The following AHI1 variants were observed in gnomAD, a reference collection of about 807,000 sequenced individuals.
AHI1 encodes the protein Abelson helper integration site 1.
In AHI1, 123 loss-of-function variants were observed where a neutral mutation model predicts 149.3. That is an observed-to-expected ratio of 0.82 (90% CI 0.71 to 0.96). AHI1 has a LOEUF of 0.96. Ranked by LOEUF, AHI1 falls within the 40% of genes least tolerant of loss-of-function variation. AHI1 has a pLI of 0.00. For synonymous variants in AHI1, 475 were observed against 459.8 expected (o/e 1.03, Z -0.42); for missense variants, 1,439 against 1,422.7 (o/e 1.01, Z -0.18).
At chr6:135,419,391 A>C (rs17064495) in intron 20 of AHI1, among the ~76,000 whole-genome samples, 2,357 of 152,208 alleles carry the variant, frequency 0.015, 23 homozygotes, top group Non-Finnish European at 0.026. Flanking sequence ...GAATAGCTAC[A>C]ATTTCCCGAC....
intron 8 of AHI1, among the ~76,000 whole-genome samples, chr6:135,462,754 A>G (rs527921610): frequency 2.0e-5 from 3 of 152,248 alleles, no homozygotes; most frequent in East Asian, 3.9e-4. Context: ...TACAAAAATT[A>G]GCCGGGTATG....
At chr6:135,308,282 CTT>C (rs2128361906) in intron 26 of AHI1, among the ~76,000 whole-genome samples, 1 of 152,260 alleles carries the variant, frequency 6.6e-6, no homozygotes, top group African/African-American at 2.4e-5. Flanking sequence ...GTTGCCCAGA[CTT>C]GAGTGCAGTA....
intron 27 of AHI1, among the ~76,000 whole-genome samples, chr6:135,296,527 C>A (rs776168443): frequency 1.3e-5 from 2 of 152,132 alleles, no homozygotes; most frequent in Non-Finnish European, 2.9e-5. Flanking sequence ...AGCCTAATTT[C>A]CTTACTTTTC....
intron 4 of AHI1, among the ~76,000 whole-genome samples, 169 bp from the exon 5 acceptor site, chr6:135,490,916 T>C (rs1795166691): frequency 6.6e-6 from 1 of 152,216 alleles, no homozygotes. Context: ...ATTTTGACTT[T>C]AGTGACACAA....
At chr6:135,300,965 AC>A (rs1640216981) in intron 26 of AHI1, 1 of 985,966 alleles carries the variant, frequency 1.0e-6, no homozygotes, top group Admixed American at 6.1e-5. Context: ...ATAGTAATAC[AC>A]ATTGATCTGT....
intron 23 of AHI1, among the ~76,000 whole-genome samples, chr6:135,374,106 ATATTTTTTTT>A (rs1337655487): frequency 3.4e-3 from 99 of 29,432 alleles, no homozygotes; most frequent in Middle Eastern, 0.025. Context: ...ATATATATAT[ATATTTTTTTT>A]TTTTTTTTTT....
intron 23 of AHI1, among the ~76,000 whole-genome samples, chr6:135,380,571 A>G (rs1253790539): frequency 6.6e-6 from 1 of 152,182 alleles, no homozygotes; most frequent in Non-Finnish European, 1.5e-5. Flanking sequence ...CTACACAAAG[A>G]TGTGGAGTTT....
At chr6:135,476,421 G>A (rs930586687) in intron 5 of AHI1, among the ~76,000 whole-genome samples, 1 of 151,650 alleles carries the variant, frequency 6.6e-6, no homozygotes, top group Admixed American at 6.6e-5. Flanking sequence ...GTCTGTCTCG[G>A]TGAATATTCC....
intron 25 of AHI1, among the ~76,000 whole-genome samples, chr6:135,321,330 C>T (rs1275345015): frequency 6.6e-6 from 1 of 152,110 alleles, no homozygotes; most frequent in Admixed American, 6.6e-5. Context: ...GTAACTAAAA[C>T]AGCTACACAG....
chr6:135,396,370 T>A (rs1779211138), intron 22 of AHI1, among the ~76,000 whole-genome samples: 1 of 151,710 alleles, frequency 6.6e-6, no homozygotes, highest in South Asian at 2.1e-4. Context: ...AAAAATAATA[T>A]CTATACTTCA....
At chr6:135,337,455 T>C (rs111745035) in intron 24 of AHI1, among the ~76,000 whole-genome samples, 1 of 152,138 alleles carries the variant, frequency 6.6e-6, no homozygotes, top group African/African-American at 2.4e-5. Flanking sequence ...AGAAGAAAGT[T>C]ACTGTGGAAA....
At chr6:135,424,771 T>TA (rs1051164046) in intron 20 of AHI1, among the ~76,000 whole-genome samples, 2 of 151,156 alleles carry the variant, frequency 1.3e-5, no homozygotes, top group African/African-American at 4.8e-5. Flanking sequence ...GTTTAGCTTA[T>TA]AAAAAAAAAT....
chr6:135,404,856 T>TA, intron 22 of AHI1, 95 bp downstream of exon 22: 4 of 1,124,812 alleles, frequency 3.6e-6, no homozygotes, highest in Non-Finnish European at 5.4e-6. Context: ...GATTAACTCT[T>TA]ATAAAGGTTC....
chr6:135,482,893 G>GTTTTTTTTTTTTTTTTTTTTTTT (rs1491384083), intron 5 of AHI1, among the ~76,000 whole-genome samples: 5 of 5,788 alleles, frequency 8.6e-4, no homozygotes, highest in African/African-American at 2.8e-3. Flanking sequence ...TCCATTTAAG[G>GTTTTTTTTTTTTTTTTTTTTTTT]CTTTTTTTTT....
At chr6:135,394,449 G>A (rs867601651) in intron 23 of AHI1, among the ~76,000 whole-genome samples, 62 of 152,080 alleles carry the variant, frequency 4.1e-4, no homozygotes, top group African/African-American at 1.2e-3. Context: ...TATAACATGG[G>A]ATTATCCATC....
At chr6:135,372,622 GT>G (rs1483948199) in intron 23 of AHI1, among the ~76,000 whole-genome samples, 2 of 152,220 alleles carry the variant, frequency 1.3e-5, no homozygotes, top group Admixed American at 6.5e-5. Flanking sequence ...CAAGGCTTCA[GT>G]GAGCTATGGT....
rs1788431354 is a variant in AHI1 at position 135,453,362 on chromosome 6, T to C, written c.1419A>G (p.Lys473=). ...EVQNQECGFR[K]IAWAFLKLLG... is the part of the protein sequence containing the mutation. ...ATACCTTAAGAAATGCCCAGGCAAT[T>C]TTCCGAAAGCCACATTCTTGGTTTT... Residue 473 remains lysine, a synonymous_variant, in exon 11 of 29, where the codon AAA becomes AAG. Coordinates refer to ENST00000265602, the MANE Select transcript of AHI1 (RefSeq NM_001134831.2). The C allele has an allele frequency of 1.3e-6, 2 of 1,561,582 alleles. No individual in the cohort carries two copies. The highest frequency in any genetic ancestry group is 3.8e-5 in the Admixed American group (2 of 52,684).
chr6:135,427,105 T>A (rs1030988555), intron 20 of AHI1, 62 bp downstream of exon 20: 2 of 1,493,048 alleles, frequency 1.3e-6, no homozygotes, highest in Non-Finnish European at 1.8e-6. Flanking sequence ...GACAGATTCC[T>A]GGTTTAGTCT....
At chr6:135,430,847 T>C (rs1199396023) in intron 17 of AHI1, among the ~76,000 whole-genome samples, 3 of 152,014 alleles carry the variant, frequency 2.0e-5, no homozygotes, top group Non-Finnish European at 4.4e-5. Flanking sequence ...TTTTTAGAGA[T>C]ATAATTGGAC....
Sources: allele counts gnomAD v4.1 joint callset (sites outside exome capture counted in the v4.1 genomes callset), GRCh38; gene constraint gnomAD v4.1.1; transcripts MANE v1.5; gene names NCBI Gene and HGNC (gene_info 2026-07-23, HGNC 2026-07-21).